Variants in ARIH1 observed in about 807,000 individuals in gnomAD.
The protein encoded by ARIH1 is E3 ubiquitin-protein ligase ARIH1.
In ARIH1, 8 loss-of-function variants were observed where a neutral mutation model predicts 85.0. The ratio of observed to expected loss-of-function variants is 0.09; its 90% CI spans 0.06 to 0.17. The LOEUF is 0.17. Ranked by LOEUF, ARIH1 falls within the 10% of genes least tolerant of loss-of-function variation. The pLI, the probability that ARIH1 is intolerant of heterozygous loss-of-function variation, is 1.00. For missense variants in ARIH1, 311 were observed against 718.1 expected (o/e 0.43, Z 6.48); for synonymous variants, 238 against 253.6 (o/e 0.94, Z 0.59).
In ARIH1 at chr15:72,502,354, A is replaced by G. The variant is rs192520295; in HGVS notation, c.376-15713A>G. ...AAGAACAGCAAAGCCCAGATGTGTC[A>G]TTGGCTAGGCACATTTATTAACAAG... On this transcript the variant is annotated intron_variant, in intron 1 of 13. Transcript: ENST00000379887. Among the ~76,000 whole-genome samples the G allele has an allele frequency of 1.2e-4, 19 of 152,358 alleles. No homozygotes were observed. The South Asian group carries it at 1.7e-3, about 13-fold the overall frequency.
intron 3 of ARIH1, among the ~76,000 whole-genome samples, chr15:72,550,018 A>G (rs1022448852): frequency 6.6e-6 from 1 of 152,180 alleles, no homozygotes; most frequent in Non-Finnish European, 1.5e-5. Context: ...AGACAGGAAG[A>G]TATCTGCGAT....
At chr15:72,572,024 A>G in intron 10 of ARIH1, 84 bp from the exon 11 acceptor site, 1 of 979,718 alleles carries the variant, frequency 1.0e-6, no homozygotes, top group Non-Finnish European at 1.6e-6. Context: ...ATAATCTGTA[A>G]ATCCAGGTTA....
intron 1 of ARIH1, among the ~76,000 whole-genome samples, chr15:72,487,468 C>T (rs1339924236): frequency 6.6e-6 from 1 of 152,182 alleles, no homozygotes; most frequent in Non-Finnish European, 1.5e-5. Context: ...GTGAAAGCCT[C>T]TAATGTGGAC....
rs1313179740 is a variant in ARIH1, at chr15:72,600,637, C to T, written c.*17345C>T. ...GGCTCAAGCAATCCTCCTGCCTCAG[C>T]ATCTCAAAGTGTTGGGATTACAGGT... On this transcript the variant is annotated 3_prime_UTR_variant, in exon 14 of 14. Transcript: ENST00000379887. 6.6e-6 allele frequency: 1 copy of T among 152,200 alleles called. No homozygotes were observed. The highest frequency in any genetic ancestry group is 1.9e-4 in the East Asian group (1 of 5,194). The allele number at this position is 152,200 out of a possible 1,614,324, so 9.4% of individuals were successfully genotyped here.
intron 11 of ARIH1, among the ~76,000 whole-genome samples, chr15:72,576,083 C>T (rs928430544): frequency 3.3e-5 from 5 of 152,030 alleles, no homozygotes; most frequent in Non-Finnish European, 5.9e-5. Context: ...AATTATGTGG[C>T]TCAGAATTAG....
Position 72,595,808 on chromosome 15 carries a change from GTTTTT to G in ARIH1, c.*12530_*12534del, listed in dbSNP as rs59597213. On this transcript the variant is annotated 3_prime_UTR_variant, in exon 14 of 14. Transcript: ENST00000379887. ...TATTGCAGTGTTTTTTGTTTTTTCT[GTTTTT>G]TTTTTTTTTTTTTCATCTTTGTTTT... 0.051 allele frequency: 6,230 copies of G among 122,830 alleles called. 426 individuals carry two copies. The highest frequency in any genetic ancestry group is 0.16 in the African/African-American group (5,862 of 36,152). 7.6% of individuals were successfully genotyped at this position (122,830 alleles called of 1,614,324 possible). A position where few individuals can be genotyped will look rare whatever the true frequency, so the allele number is the denominator to read the frequency against.
intron 1 of ARIH1, among the ~76,000 whole-genome samples, chr15:72,475,503 T>TA (rs1177721660): frequency 4.6e-5 from 7 of 152,122 alleles, no homozygotes; most frequent in Admixed American, 4.6e-4. Context: ...CACCAGTTAA[T>TA]AAAGAAATGG....
rs1166456643 is a variant in ARIH1 at position 72,602,521 on chromosome 15, C to T, written c.*19229C>T. 3 of 152,188 alleles carry T rather than the reference C, an allele frequency of 2.0e-5. No individual in the cohort carries two copies. The highest frequency in any genetic ancestry group is 2.1e-4 in the South Asian group (1 of 4,830). The allele number at this position is 152,188 out of a possible 1,614,324, so 9.4% of individuals were successfully genotyped here. ...AAATTCCCAATTCATACTTAAGTCT[C>T]GCCCTTGCAATTTAGATGTACAATC... On this transcript the variant is annotated 3_prime_UTR_variant, in exon 14 of 14. Transcript: ENST00000379887.
At chr15:72,558,034 C>A (rs1020243931) in intron 5 of ARIH1, among the ~76,000 whole-genome samples, 1 of 152,054 alleles carries the variant, frequency 6.6e-6, no homozygotes, top group Admixed American at 6.6e-5. Flanking sequence ...CATTTTATTT[C>A]TTTCTCTTGC....
At chr15:72,564,177 A>C (rs1042051548) in intron 7 of ARIH1, among the ~76,000 whole-genome samples, 1 of 152,200 alleles carries the variant, frequency 6.6e-6, no homozygotes, top group Non-Finnish European at 1.5e-5. Flanking sequence ...ATTTTCTATA[A>C]ACATTCAAGA....
chr15:72,577,309 G>A (rs1018674098), intron 11 of ARIH1, among the ~76,000 whole-genome samples: 1 of 152,022 alleles, frequency 6.6e-6, no homozygotes, highest in African/African-American at 2.4e-5. Flanking sequence ...TCTTAACAAT[G>A]AAGTATGCTA....
At chr15:72,521,593 G>A (rs1373830184) in intron 2 of ARIH1, among the ~76,000 whole-genome samples, 1 of 151,942 alleles carries the variant, frequency 6.6e-6, no homozygotes, top group Non-Finnish European at 1.5e-5. Flanking sequence ...AGCCAGGCTG[G>A]AGGGAGTGCA....
At chr15:72,567,017 A>G (rs2140434340) in intron 8 of ARIH1, 89 bp from the exon 9 acceptor site, 1 of 965,626 alleles carries the variant, frequency 1.0e-6, no homozygotes, top group African/African-American at 1.7e-5. Context: ...TGGCTTTTAC[A>G]TTTAAGCTTG....
intron 7 of ARIH1, among the ~76,000 whole-genome samples, chr15:72,565,129 A>G (rs984143400): frequency 3.3e-5 from 5 of 152,128 alleles, no homozygotes; most frequent in Non-Finnish European, 5.9e-5. Context: ...CAGTGGCACG[A>G]TCTCGCACTG....
chr15:72,526,698 A>G (rs1226346429), intron 2 of ARIH1, among the ~76,000 whole-genome samples: 1 of 152,162 alleles, frequency 6.6e-6, no homozygotes, highest in East Asian at 1.9e-4. Context: ...AACCTGGGCG[A>G]CAGAGGAAGA....
chr15:72,581,912 G>C, intron 12 of ARIH1, 163 bp from the exon 13 acceptor site: 1 of 474,450 alleles, frequency 2.1e-6, no homozygotes, highest in Non-Finnish European at 3.8e-6. Context: ...GAACAAACAA[G>C]TTATTAGAGA....
Position 72,572,114 on chromosome 15 carries a change from C to T in ARIH1, c.1164C>T (p.Asn388=). Residue 388 remains asparagine, a synonymous_variant, in exon 11 of 14, where the codon AAC becomes AAT. Coordinates refer to ENST00000379887, the MANE Select transcript of ARIH1 (RefSeq NM_005744.5). The stretch of plus-strand genomic sequence containing the variant: ...CCTCTTTATTTACTTGAAGGTACAA[C>T]TGTAACCGCTATAATGAGGATGATG... ...PWEPHGSAWY[N]CNRYNEDDAK... 3 of 1,602,602 alleles carry T rather than the reference C, an allele frequency of 1.9e-6. No individual in the cohort carries two copies. Among genetic ancestry groups the T allele is most frequent in the Non-Finnish European group, 2.6e-6 (3 of 1,172,678 alleles).
intron 2 of ARIH1, among the ~76,000 whole-genome samples, chr15:72,519,146 A>T (rs2063987706): frequency 6.6e-6 from 1 of 152,012 alleles, no homozygotes; most frequent in Admixed American, 6.6e-5. Flanking sequence ...ATCAATTCTA[A>T]ATTTAATAAA....
chr15:72,496,748 T>C (rs2063881794), intron 1 of ARIH1: 1 of 957,534 alleles, frequency 1.0e-6, no homozygotes, highest in African/African-American at 1.8e-5. Context: ...CTCTTTGGCC[T>C]TTGCCGCTGT....
Sources: gnomAD v4.1 joint callset for allele counts (sites outside exome capture counted in the v4.1 genomes callset) on GRCh38, gnomAD v4.1.1 for gene constraint, MANE v1.5 for transcripts, NCBI Gene and HGNC (gene_info 2026-07-23, HGNC 2026-07-21) for gene names.